Variants in SLC25A24 observed in about 807,000 individuals in gnomAD.
SLC25A24 encodes mitochondrial adenyl nucleotide antiporter SLC25A24.
In SLC25A24, 49 loss-of-function variants were observed where a neutral mutation model predicts 60.7. The ratio of observed to expected loss-of-function variants is 0.81; its 90% confidence interval spans 0.64 to 1.02. The LOEUF (loss-of-function observed/expected upper bound fraction) is 1.02, where lower values mean the gene tolerates loss of function less well. SLC25A24 is among the 50% of genes least tolerant of loss of function. The probability of loss-of-function intolerance (pLI) is 0.00; values close to 1 mark genes in which losing one functional copy is unlikely to be tolerated. For missense variants in SLC25A24, 564 were observed against 586.3 expected, an observed-to-expected ratio of 0.96 and a Z score of 0.39; for synonymous variants, 202 against 200.6, an observed-to-expected ratio of 1.01 and a Z score of -0.06.
intron 3 of SLC25A24, among the ~76,000 whole-genome samples, chr1:108,165,631 T>C (rs980089551): frequency 9.9e-5 from 15 of 152,132 alleles, no homozygotes; most frequent in Non-Finnish European, 1.9e-4. Flanking sequence ...TCTTTTTTTG[T>C]TTTCCATTTG....
At chr1:108,190,136 C>CA (rs1648297598) in intron 1 of SLC25A24, among the ~76,000 whole-genome samples, 2 of 152,112 alleles carry the variant, frequency 1.3e-5, no homozygotes, top group Non-Finnish European at 2.9e-5. Context: ...TGTGTATTGA[C>CA]AGAGACTCAA....
intron 6 of SLC25A24, among the ~76,000 whole-genome samples, chr1:108,154,314 C>T (rs1415118211): frequency 1.3e-5 from 2 of 152,086 alleles, no homozygotes; most frequent in African/African-American, 2.4e-5. Flanking sequence ...CTCAACTAGA[C>T]AGTTCTGCTA....
At chr1:108,150,609 C>T (rs1280122757) in intron 6 of SLC25A24, among the ~76,000 whole-genome samples, 1 of 152,166 alleles carries the variant, frequency 6.6e-6, no homozygotes, top group Non-Finnish European at 1.5e-5. Flanking sequence ...GGCCACCAGG[C>T]AGAATATCTT....
rs372767657 is a variant in SLC25A24 at position 108,135,945 on chromosome 1, C to A, written c.*708G>T. 6.6e-6 allele frequency: 1 copy of A among 152,138 alleles called. No homozygotes were observed. The highest frequency in any genetic ancestry group is 2.4e-5 in the African/African-American group (1 of 41,446). 9.4% of individuals were successfully genotyped at this position (152,138 alleles called of 1,614,324 possible). A position where few individuals can be genotyped will look rare whatever the true frequency, so the allele number is the denominator to read the frequency against. ...CTTTTCAAAGCAATGGCAGGATAAA[C>A]GGAATCTTTCAAATAAATTGCCTTG... On this transcript the variant is annotated 3_prime_UTR_variant, in exon 10 of 10. Coordinates refer to ENST00000565488, the MANE Select transcript of SLC25A24 (RefSeq NM_013386.5).
intron 3 of SLC25A24, among the ~76,000 whole-genome samples, chr1:108,173,972 G>C (rs2101630931): frequency 1.3e-5 from 2 of 152,306 alleles, no homozygotes; most frequent in Middle Eastern, 6.8e-3. Flanking sequence ...AAATTTCTAA[G>C]TGGCAAAGCA....
intron 5 of SLC25A24, among the ~76,000 whole-genome samples, chr1:108,157,020 A>G (rs1312896280): frequency 1.3e-5 from 2 of 152,264 alleles, no homozygotes; most frequent in Admixed American, 1.3e-4. Flanking sequence ...CACTGCTAGT[A>G]AATAGCAAAG....
intron 1 of SLC25A24, among the ~76,000 whole-genome samples, chr1:108,189,854 T>TA (rs1224003979): frequency 7.8e-5 from 10 of 128,396 alleles, no homozygotes; most frequent in East Asian, 6.0e-4. Flanking sequence ...AAAGATAAAG[T>TA]AAAAAAAAAT....
At chr1:108,184,959 TA>T (rs562824591) in intron 2 of SLC25A24, among the ~76,000 whole-genome samples, 95 of 152,350 alleles carry the variant, frequency 6.2e-4, no homozygotes, top group African/African-American at 2.2e-3. Flanking sequence ...CTCTTCCTGT[TA>T]AAGGTTACCT....
intron 3 of SLC25A24, among the ~76,000 whole-genome samples, chr1:108,167,116 C>G (rs991190295): frequency 1.7e-4 from 26 of 152,088 alleles, no homozygotes; most frequent in African/African-American, 6.3e-4. Context: ...CGTCAGGGGT[C>G]AGGGACCCAC....
intron 2 of SLC25A24, among the ~76,000 whole-genome samples, chr1:108,183,589 G>T (rs912448167): frequency 6.6e-6 from 1 of 152,152 alleles, no homozygotes; most frequent in African/African-American, 2.4e-5. Flanking sequence ...GTGTGCTGTT[G>T]ATTCACTAAC....
rs375389584 is a variant in SLC25A24, at chr1:108,136,301, T to C, written c.*352A>G. On this transcript the variant is annotated 3_prime_UTR_variant, in exon 10 of 10. Transcript: ENST00000565488. ...AAATATAAAGGAACTGGCATAAACGTAAACCACCCGAAATAAAGATTAATG... is the reference window on the plus strand; with the variant it reads ...AAATATAAAGGAACTGGCATAAACGCAAACCACCCGAAATAAAGATTAATG... 1 of 162,062 alleles carries C rather than the reference T, an allele frequency of 6.2e-6. No homozygotes were observed. The highest frequency in any genetic ancestry group is 1.3e-5 in the Non-Finnish European group (1 of 74,728). The allele number at this position is 162,062 out of a possible 1,614,324, so 10.0% of individuals were successfully genotyped here. A position where few individuals can be genotyped will look rare whatever the true frequency, so the allele number is the denominator to read the frequency against.
chr1:108,162,866 G>A (rs1680128205), intron 3 of SLC25A24, among the ~76,000 whole-genome samples: 1 of 150,248 alleles, frequency 6.7e-6, no homozygotes, highest in African/African-American at 2.5e-5. Flanking sequence ...TGAAGTCCTT[G>A]CCCATGCCTA....
Position 108,136,648 on chromosome 1 carries a change from C to A in SLC25A24, c.*5G>T. On this transcript the variant is annotated 3_prime_UTR_variant, in exon 10 of 10. Coordinates refer to ENST00000565488, the MANE Select transcript of SLC25A24 (RefSeq NM_013386.5). The stretch of plus-strand genomic sequence containing the variant: ...AATTATCAGGCTAAAGCAAAAAATG[C>A]AACATCATTTCTGGGTTACTCCTAA... The A allele has an allele frequency of 6.2e-7, 1 of 1,608,138 alleles. No homozygotes were observed. The highest frequency in any genetic ancestry group is 8.5e-7 in the Non-Finnish European group (1 of 1,176,102).
At chr1:108,187,922 T>TTATATATATATATATA (rs1470627510) in intron 1 of SLC25A24, among the ~76,000 whole-genome samples, 3,478 of 50,834 alleles carry the variant, frequency 0.068, 160 homozygotes, top group Admixed American at 0.093. Context: ...GGATAAGACA[T>TTATATATATATATATA]TATAGATATA....
At position 108,143,727 on chromosome 1, in the gene SLC25A24, AC is replaced by A; in HGVS notation, c.931-18del. ...TTTCATAACCTGGATATAAAAAAAAACAAAATATGATTGTTCATATTAACTC... is the reference window on the plus strand; with the variant it reads ...TTTCATAACCTGGATATAAAAAAAAAAAAATATGATTGTTCATATTAACTC... On this transcript the variant is annotated intron_variant, in intron 7 of 9. Coordinates refer to ENST00000565488, the MANE Select transcript of SLC25A24 (RefSeq NM_013386.5). The A allele has an allele frequency of 1.3e-6, 2 of 1,592,804 alleles. No homozygotes were observed. Among genetic ancestry groups the A allele is most frequent in the Non-Finnish European group, 1.7e-6 (2 of 1,168,992 alleles).
intron 8 of SLC25A24, among the ~76,000 whole-genome samples, chr1:108,139,855 G>T (rs1571275845): frequency 6.6e-6 from 1 of 151,884 alleles, no homozygotes; most frequent in African/African-American, 2.4e-5. Flanking sequence ...CAGGTGATCC[G>T]CCCGCCTCGG....
intron 4 of SLC25A24, among the ~76,000 whole-genome samples, chr1:108,158,633 T>C (rs1038132313): frequency 3.3e-5 from 5 of 151,606 alleles, no homozygotes; most frequent in Admixed American, 2.6e-4. Flanking sequence ...AGTGGCAATG[T>C]GAACTCCTGA....
At chr1:108,196,372 A>C (rs1163569904) in intron 1 of SLC25A24, among the ~76,000 whole-genome samples, 1 of 152,206 alleles carries the variant, frequency 6.6e-6, no homozygotes, top group African/African-American at 2.4e-5. Flanking sequence ...ATGAACTTTC[A>C]TATTCTGCAA....
intron 1 of SLC25A24, chr1:108,199,645 CAAAG>C: frequency 2.0e-6 from 1 of 498,574 alleles, no homozygotes; most frequent in South Asian, 3.7e-5. Context: ...AAACAGAAAA[CAAAG>C]AACCTGGGAT....
Sources: allele counts gnomAD v4.1 joint callset (sites outside exome capture counted in the v4.1 genomes callset), GRCh38; gene constraint gnomAD v4.1.1; transcripts MANE v1.5; gene names NCBI Gene and HGNC (gene_info 2026-07-23, HGNC 2026-07-21).